Variants in HCN1 observed in about 807,000 individuals in gnomAD.
HCN1 encodes potassium/sodium hyperpolarization-activated cyclic nucleotide-gated channel 1.
HCN1 carries 13 observed loss-of-function variants against 78.9 expected under a neutral mutation model. That is an observed-to-expected ratio of 0.16 (90% CI 0.11 to 0.26). The LOEUF (loss-of-function observed/expected upper bound fraction) is 0.26. Among genes scored for constraint, HCN1 ranks in the 10% least tolerant of loss-of-function variants. The pLI, the probability that HCN1 is intolerant of heterozygous loss-of-function variation, is 1.00. For missense variants in HCN1, 810 were observed against 1,154.3 expected, an observed-to-expected ratio of 0.70 and a Z score of 4.32; for synonymous variants, 552 against 455.5, an observed-to-expected ratio of 1.21 and a Z score of -2.70.
chr5:45,562,766 T>A (rs548010492), intron 2 of HCN1, among the ~76,000 whole-genome samples: 6 of 152,036 alleles, frequency 3.9e-5, no homozygotes, highest in Admixed American at 2.0e-4. Context: ...AGAAAAAAAA[T>A]TGCTTAACAA....
intron 1 of HCN1, among the ~76,000 whole-genome samples, chr5:45,661,047 G>C (rs370488501): frequency 9.3e-5 from 12 of 129,010 alleles, no homozygotes; most frequent in Non-Finnish European, 1.6e-4. Flanking sequence ...TGACCACATA[G>C]TTGGAAGTAA....
intron 2 of HCN1, among the ~76,000 whole-genome samples, chr5:45,596,072 G>A (rs757208329): frequency 6.6e-6 from 1 of 151,102 alleles, no homozygotes; most frequent in Non-Finnish European, 1.5e-5. Flanking sequence ...ATTTTTTTTT[G>A]TATTTTTAGT....
At chr5:45,527,462 T>C (rs1032129964) in intron 2 of HCN1, among the ~76,000 whole-genome samples, 4 of 151,328 alleles carry the variant, frequency 2.6e-5, no homozygotes, top group African/African-American at 9.7e-5. Flanking sequence ...AAAAAGTCTA[T>C]GAACTAACTT....
intron 2 of HCN1, among the ~76,000 whole-genome samples, chr5:45,560,702 T>C (rs1743580811): frequency 6.6e-6 from 1 of 152,046 alleles, no homozygotes; most frequent in South Asian, 2.1e-4. Flanking sequence ...AAACTAAGTA[T>C]AACAAAAATT....
At position 45,560,977 on chromosome 5, in the gene HCN1, T is replaced by C. The variant is rs187845997; in HGVS notation, c.849+84208A>G. ...CTAAACTAATATCAAATTCTAAACT[T>C]TTCATATTCAGGATGTGCAATTCAA... On this transcript the variant is annotated intron_variant, in intron 2 of 7. Transcript: ENST00000303230. Among the ~76,000 whole-genome samples the C allele has an allele frequency of 3.2e-4, 48 of 152,242 alleles. 1 individual carries two copies. The East Asian group carries it at 7.1e-3, about 23-fold the overall frequency.
chr5:45,610,541 A>G (rs958483165), intron 2 of HCN1, among the ~76,000 whole-genome samples: 12 of 149,480 alleles, frequency 8.0e-5, no homozygotes, highest in African/African-American at 2.9e-4. Context: ...ATATATTTTA[A>G]ATACATTGAA....
chr5:45,663,989 C>T (rs1322102891), intron 1 of HCN1, among the ~76,000 whole-genome samples: 2 of 143,528 alleles, frequency 1.4e-5, no homozygotes, highest in African/African-American at 5.3e-5. Context: ...AATCATGCTG[C>T]TATAAAGACA....
chr5:45,589,629 A>C (rs1744319857), intron 2 of HCN1, among the ~76,000 whole-genome samples: 1 of 152,230 alleles, frequency 6.6e-6, no homozygotes, highest in Admixed American at 6.5e-5. Flanking sequence ...AAACTCCAAA[A>C]GAGTAAAGTT....
intron 4 of HCN1, among the ~76,000 whole-genome samples, chr5:45,390,793 C>T (rs1314964400): frequency 6.6e-6 from 1 of 152,110 alleles, no homozygotes; most frequent in African/African-American, 2.4e-5. Context: ...CTTATAAAGA[C>T]TTACTCCAGA....
chr5:45,546,326 T>C (rs552613713), intron 2 of HCN1, among the ~76,000 whole-genome samples: 1 of 152,070 alleles, frequency 6.6e-6, no homozygotes, highest in South Asian at 2.1e-4. Flanking sequence ...CACTTTTTTT[T>C]CATTTCTACT....
intron 2 of HCN1, among the ~76,000 whole-genome samples, chr5:45,521,688 A>G (rs977410744): frequency 2.1e-4 from 32 of 152,078 alleles, no homozygotes; most frequent in African/African-American, 7.5e-4. Flanking sequence ...CTGAAGTACT[A>G]GGATTGAGTA....
chr5:45,362,028 T>C (rs1747120704), intron 4 of HCN1, among the ~76,000 whole-genome samples: 1 of 152,100 alleles, frequency 6.6e-6, no homozygotes, highest in South Asian at 2.1e-4. Context: ...TTGGTAGAAG[T>C]AGAAAAAATC....
intron 4 of HCN1, among the ~76,000 whole-genome samples, chr5:45,358,145 T>C (rs962927471): frequency 6.6e-6 from 1 of 152,060 alleles, no homozygotes; most frequent in African/African-American, 2.4e-5. Flanking sequence ...GTTTTCCTTT[T>C]TAGCAACAGA....
intron 6 of HCN1, among the ~76,000 whole-genome samples, chr5:45,295,113 C>T (rs1169912192): frequency 6.6e-6 from 1 of 151,984 alleles, no homozygotes; most frequent in Non-Finnish European, 1.5e-5. Flanking sequence ...CCAACACTCA[C>T]TCACCACCCA....
At chr5:45,531,053 CACAT>C (rs1312604289) in intron 2 of HCN1, among the ~76,000 whole-genome samples, 5 of 150,712 alleles carry the variant, frequency 3.3e-5, no homozygotes, top group South Asian at 2.1e-4. Flanking sequence ...AATGCTAACA[CACAT>C]ACACACACAC....
At chr5:45,497,423 T>C (rs1338867199) in intron 2 of HCN1, among the ~76,000 whole-genome samples, 2 of 152,340 alleles carry the variant, frequency 1.3e-5, no homozygotes, top group East Asian at 3.9e-4. Context: ...TAGTTAGCTC[T>C]TCTTGTTGAA....
chr5:45,515,120 A>C (rs150849456), intron 2 of HCN1, among the ~76,000 whole-genome samples: 58 of 151,954 alleles, frequency 3.8e-4, no homozygotes, highest in African/African-American at 1.4e-3. Flanking sequence ...TTTTCATTTT[A>C]ACATATCGAG....
intron 3 of HCN1, among the ~76,000 whole-genome samples, chr5:45,445,068 G>A (rs1028889816): frequency 5.3e-5 from 8 of 152,216 alleles, no homozygotes; most frequent in African/African-American, 9.6e-5. Flanking sequence ...TGCGTGAGCC[G>A]AAACAGGGCG....
At chr5:45,373,826 C>T (rs1469066575) in intron 4 of HCN1, among the ~76,000 whole-genome samples, 29 of 121,462 alleles carry the variant, frequency 2.4e-4, no homozygotes, top group Non-Finnish European at 3.6e-4. Flanking sequence ...ACGGTATATA[C>T]GTCATCTATA....
Sources: gnomAD v4.1 joint callset for allele counts (sites outside exome capture counted in the v4.1 genomes callset) on GRCh38, gnomAD v4.1.1 for gene constraint, MANE v1.5 for transcripts, NCBI Gene and HGNC (gene_info 2026-07-23, HGNC 2026-07-21) for gene names.